Variants in ABHD18 observed in about 807,000 individuals in gnomAD.
ABHD18 encodes cardiolipin-specific deacylase, mitochondrial.
A neutral mutation model predicts 65.9 loss-of-function variants in ABHD18; 55 were observed. The ratio of observed to expected loss-of-function variants is 0.84; its 90% CI spans 0.67 to 1.05. The LOEUF is 1.05. Ranked by LOEUF, ABHD18 falls within the 50% of genes least tolerant of loss-of-function variation. The probability of loss-of-function intolerance (pLI) is 0.00; values close to 1 mark genes in which losing one functional copy is unlikely to be tolerated. For missense variants in ABHD18, 533 were observed against 558.5 expected, an observed-to-expected ratio of 0.95 and a Z score of 0.46; for synonymous variants, 181 against 180.2, an observed-to-expected ratio of 1.00 and a Z score of -0.04.
rs1440808566 is a variant in ABHD18, at chr4:128,035,759, T to C, written c.1344-3T>C. On this transcript the variant is annotated splice_polypyrimidine_tract_variant and splice_region_variant and intron_variant, in intron 12 of 12. Transcript: ENST00000645843. ...AGAGTTTTTCTTTCATATTTAATTTTAGACAAGCCATCTATGATGCATTTG... is the reference window on the plus strand; with the variant it reads ...AGAGTTTTTCTTTCATATTTAATTTCAGACAAGCCATCTATGATGCATTTG... The C allele has an allele frequency of 6.6e-7, 1 of 1,519,480 alleles. No individual in the cohort carries two copies. The highest frequency in any genetic ancestry group is 8.9e-7 in the Non-Finnish European group (1 of 1,123,344). The allele number at this position is 1,519,480 out of a possible 1,614,324, so 94.1% of individuals were successfully genotyped here. A position where few individuals can be genotyped will look rare whatever the true frequency, so the allele number is the denominator to read the frequency against.
At chr4:127,979,283 C>T (rs929218432) in intron 1 of ABHD18, among the ~76,000 whole-genome samples, 2 of 152,158 alleles carry the variant, frequency 1.3e-5, no homozygotes, top group Admixed American at 6.6e-5. Context: ...AGGCTGGGCG[C>T]GGTGGCTCAT....
At chr4:127,965,986 C>T (rs961328305) in intron 1 of ABHD18, 1 of 152,338 alleles carries the variant, frequency 6.6e-6, no homozygotes, top group African/African-American at 2.4e-5. Context: ...GGCGCCTGCG[C>T]CTACGGGGGC....
chr4:128,026,253 A>G (rs1757334392), intron 10 of ABHD18, among the ~76,000 whole-genome samples: 1 of 151,890 alleles, frequency 6.6e-6, no homozygotes, highest in Non-Finnish European at 1.5e-5. Context: ...ATGCCATTGC[A>G]CTCCAGCCTG....
chr4:127,995,126 T>C (rs567613957), intron 4 of ABHD18, among the ~76,000 whole-genome samples: 1 of 152,336 alleles, frequency 6.6e-6, no homozygotes, highest in East Asian at 1.9e-4. Context: ...GTGATTCACC[T>C]GCCTCAGCCT....
chr4:128,028,335 G>A (rs1455677399), intron 10 of ABHD18, 140 bp from the exon 11 acceptor site: 3 of 633,142 alleles, frequency 4.7e-6, no homozygotes, highest in Non-Finnish European at 7.5e-6. Flanking sequence ...ACTGCATAAT[G>A]TTTAATTGTT....
Position 127,995,045 on chromosome 4 carries a change from A to G in ABHD18, c.278+5224A>G, listed in dbSNP as rs562470653. On this transcript the variant is annotated intron_variant, in intron 4 of 12. Transcript: ENST00000645843. Reference sequence around the variant, plus strand: ...TAGGCACATGTCACCACGCCTGGCTAATTTTTGTATTTTTAGTAGAGATGG... The same window carrying G: ...TAGGCACATGTCACCACGCCTGGCTGATTTTTGTATTTTTAGTAGAGATGG... 3.3e-5 allele frequency among the ~76,000 whole-genome samples: 5 copies of G among 152,156 alleles called. No individual in the cohort carries two copies. The South Asian group carries it at 1.0e-3, about 32-fold the overall frequency.
At chr4:128,015,819 A>G (rs879458044) in intron 7 of ABHD18, among the ~76,000 whole-genome samples, 1 of 152,198 alleles carries the variant, frequency 6.6e-6, no homozygotes. Flanking sequence ...TTCAATAACC[A>G]GTTACATGTG....
At chr4:127,977,178 T>TA (rs145755776) in intron 1 of ABHD18, among the ~76,000 whole-genome samples, 4,585 of 149,758 alleles carry the variant, frequency 0.031, 299 homozygotes, top group East Asian at 0.27. Context: ...GAAATCTGTT[T>TA]AAAAAAAAAA....
At chr4:128,018,885 G>A (rs184291591) in intron 8 of ABHD18, among the ~76,000 whole-genome samples, 113 of 151,774 alleles carry the variant, frequency 7.4e-4, no homozygotes, top group South Asian at 1.9e-3. Context: ...GTGGTGGCAC[G>A]TGCCTGTAAT....
chr4:127,999,891 G>A (rs993038960), intron 4 of ABHD18, among the ~76,000 whole-genome samples: 4 of 152,150 alleles, frequency 2.6e-5, no homozygotes, highest in African/African-American at 9.7e-5. Flanking sequence ...TGCTGATAAA[G>A]ACATACCCAA....
In ABHD18 at chr4:128,028,506, T is replaced by C. The variant is rs1757710140; in HGVS notation, c.833T>C (p.Val278Ala). Residue 278 changes from valine to alanine, a missense_variant, in exon 11 of 13, where the codon GTG (valine) becomes GCG (alanine). Val to Ala is a moderately conservative substitution (Grantham distance 64). Transcript: ENST00000645843. ...TCTTTCAAAATGGGACAAGAGTTTG[T>C]GAAACACTTCACTAGCAGTGCAGAC... ...TDSFKMGQEF[V>A]KHFTSSADKL... 2.5e-6 allele frequency: 4 copies of C among 1,584,964 alleles called. No homozygotes were observed. Among genetic ancestry groups the C allele is most frequent in the Non-Finnish European group, 3.4e-6 (4 of 1,168,368 alleles).
intron 4 of ABHD18, among the ~76,000 whole-genome samples, chr4:127,992,161 G>T (rs1281531096): frequency 6.6e-6 from 1 of 152,012 alleles, no homozygotes; most frequent in African/African-American, 2.4e-5. Flanking sequence ...TATCTGGTAG[G>T]GTTGTTAAAA....
chr4:127,970,233 T>C (rs975289150), intron 1 of ABHD18, among the ~76,000 whole-genome samples: 4 of 152,032 alleles, frequency 2.6e-5, no homozygotes, highest in Non-Finnish European at 5.9e-5. Flanking sequence ...ATTCTACTTA[T>C]TGTTATTGAT....
intron 10 of ABHD18, among the ~76,000 whole-genome samples, chr4:128,024,320 TA>T (rs2149176479): frequency 6.6e-6 from 1 of 152,332 alleles, no homozygotes; most frequent in Non-Finnish European, 1.5e-5. Context: ...TTAGTCCATT[TA>T]TGAGAGCAGA....
At chr4:128,011,838 G>A (rs912245299) in intron 7 of ABHD18, 138 bp downstream of exon 7, 9 of 508,172 alleles carry the variant, frequency 1.8e-5, no homozygotes, top group African/African-American at 1.4e-4. Context: ...TTATGAAACT[G>A]TAGTATGAAT....
At chr4:127,976,407 A>G (rs113205425) in intron 1 of ABHD18, among the ~76,000 whole-genome samples, 4 of 152,296 alleles carry the variant, frequency 2.6e-5, no homozygotes, top group South Asian at 2.1e-4. Context: ...AAAAAATTAT[A>G]CTCAGTTATT....
At chr4:128,026,516 T>C (rs1469051621) in intron 10 of ABHD18, among the ~76,000 whole-genome samples, 1 of 152,014 alleles carries the variant, frequency 6.6e-6, no homozygotes, top group Non-Finnish European at 1.5e-5. Context: ...TATGTGTATA[T>C]CCTTTGCTCA....
intron 9 of ABHD18, 113 bp downstream of exon 9, chr4:128,020,282 C>A: frequency 1.4e-6 from 1 of 725,298 alleles, no homozygotes. Flanking sequence ...AATTATAGGA[C>A]TCAGGATATA....
chr4:128,008,261 CTTTTTTTTTT>C lies in ABHD18; in HGVS notation c.279-640_279-631del, dbSNP rs1167728243. ...TGGGCAACAGAGTGAGACTCCGTTC[CTTTTTTTTTT>C]TTTTTTTTTTTTTTTTTTGAGACGG... On this transcript the variant is annotated intron_variant, in intron 4 of 12. Transcript: ENST00000645843. Among the ~76,000 whole-genome samples the C allele has an allele frequency of 1.8e-3, 179 of 97,782 alleles. 3 individuals are homozygous for C. The highest frequency in any genetic ancestry group is 6.8e-3 in the African/African-American group (152 of 22,296). The allele number at this position is 97,782 out of a possible 152,430, so 64.1% of individuals were successfully genotyped here.
Sources: gnomAD v4.1 joint callset for allele counts (sites outside exome capture counted in the v4.1 genomes callset) on GRCh38, gnomAD v4.1.1 for gene constraint, MANE v1.5 for transcripts, NCBI Gene and HGNC (gene_info 2026-07-23, HGNC 2026-07-21) for gene names.